The following TMEM266 variants were observed in gnomAD, a reference collection of about 807,000 sequenced individuals.
TMEM266 encodes the protein Hv1 related protein 1.
In TMEM266, 33 loss-of-function variants were observed where a neutral mutation model predicts 50.5. The ratio of observed to expected loss-of-function variants is 0.65; its 90% CI spans 0.50 to 0.87. The LOEUF is 0.87. Among genes scored for constraint, TMEM266 ranks in the 40% least tolerant of loss-of-function variants. The probability of loss-of-function intolerance (pLI) is 0.00; values close to 1 mark genes in which losing one functional copy is unlikely to be tolerated. For synonymous variants in TMEM266, 310 were observed against 292.3 expected (o/e 1.06, Z -0.62); for missense variants, 655 against 695.1 (o/e 0.94, Z 0.65).
At chr15:76,114,902 A>C (rs2037225378) in intron 1 of TMEM266, among the ~76,000 whole-genome samples, 1 of 152,168 alleles carries the variant, frequency 6.6e-6, no homozygotes, top group African/African-American at 2.4e-5. Context: ...ATCACACAAT[A>C]TGTGGCCTTT....
intron 9 of TMEM266, among the ~76,000 whole-genome samples, chr15:76,195,108 C>G (rs1410083386): frequency 6.6e-6 from 1 of 152,194 alleles, no homozygotes; most frequent in Non-Finnish European, 1.5e-5. Context: ...AACCTGCCTA[C>G]CAGACTTCTC....
At position 76,194,930 on chromosome 15, in the gene TMEM266, AG is replaced by A. The variant is rs1289698252; in HGVS notation, c.958+2778del. 2.0e-5 allele frequency among the ~76,000 whole-genome samples: 3 copies of A among 152,116 alleles called. No individual in the cohort carries two copies. The East Asian group carries it at 5.8e-4, about 29-fold the overall frequency. On this transcript the variant is annotated intron_variant, in intron 9 of 10. Transcript: ENST00000388942. ...AGGGGGTACCCATTCAACCCTTAAG[AG>A]GGGGCAGGCACATAAGACCCCTGAC... is the stretch of plus-strand genomic sequence containing the variant.
At chr15:76,195,930 C>A (rs533932189) in intron 9 of TMEM266, among the ~76,000 whole-genome samples, 44 of 152,348 alleles carry the variant, frequency 2.9e-4, no homozygotes, top group African/African-American at 1.1e-3. Flanking sequence ...AGCTTTCAGT[C>A]CTGCCTGGCC....
chr15:76,199,642 A>G (rs551211655), intron 9 of TMEM266, among the ~76,000 whole-genome samples: 54 of 152,276 alleles, frequency 3.5e-4, no homozygotes, highest in Non-Finnish European at 6.6e-4. Flanking sequence ...GTGTGATCAC[A>G]TCGGATCTCG....
intron 9 of TMEM266, among the ~76,000 whole-genome samples, chr15:76,193,612 C>T (rs2038613817): frequency 6.6e-6 from 1 of 152,130 alleles, no homozygotes; most frequent in Non-Finnish European, 1.5e-5. Context: ...TGTGAGAATC[C>T]CCTCTATAAC....
intron 1 of TMEM266, among the ~76,000 whole-genome samples, chr15:76,121,169 C>T (rs2037338405): frequency 6.6e-6 from 1 of 152,052 alleles, no homozygotes; most frequent in South Asian, 2.1e-4. Context: ...ACATAGGGAC[C>T]TCAAGAGAGG....
intron 1 of TMEM266, among the ~76,000 whole-genome samples, chr15:76,065,590 T>A (rs1343225501): frequency 6.6e-6 from 1 of 152,178 alleles, no homozygotes; most frequent in African/African-American, 2.4e-5. Flanking sequence ...GCTCTAGCAC[T>A]TGCTAGAGTA....
intron 1 of TMEM266, among the ~76,000 whole-genome samples, chr15:76,111,432 C>T (rs189734539): frequency 4.0e-5 from 6 of 151,856 alleles, no homozygotes; most frequent in South Asian, 2.1e-4. Flanking sequence ...TACCCTCTCC[C>T]GCTTATCTTT....
chr15:76,115,249 C>T (rs940956814), intron 1 of TMEM266, among the ~76,000 whole-genome samples: 5 of 152,198 alleles, frequency 3.3e-5, no homozygotes, highest in African/African-American at 1.2e-4. Flanking sequence ...ACCTTTCAGA[C>T]GATTGGGAAT....
At chr15:76,102,108 C>A (rs2037010106) in intron 1 of TMEM266, among the ~76,000 whole-genome samples, 1 of 152,174 alleles carries the variant, frequency 6.6e-6, no homozygotes, top group East Asian at 1.9e-4. Flanking sequence ...AACATTATGT[C>A]CCCTAGTGTC....
At chr15:76,061,718 G>C (rs1338770970) in intron 1 of TMEM266, among the ~76,000 whole-genome samples, 1 of 152,188 alleles carries the variant, frequency 6.6e-6, no homozygotes, top group African/African-American at 2.4e-5. Context: ...ACAAGGAGTT[G>C]AGTTTAAAAA....
chr15:76,196,358 T>C (rs2038656525), intron 9 of TMEM266, among the ~76,000 whole-genome samples: 1 of 152,140 alleles, frequency 6.6e-6, no homozygotes, highest in Non-Finnish European at 1.5e-5. Context: ...GCAAAGCCAG[T>C]GCCTCCAAGG....
intron 9 of TMEM266, among the ~76,000 whole-genome samples, chr15:76,196,581 CTG>C (rs1323257603): frequency 6.6e-6 from 1 of 151,272 alleles, no homozygotes; most frequent in Non-Finnish European, 1.5e-5. Flanking sequence ...TGCTAACTAA[CTG>C]TGACCTTCAG....
intron 3 of TMEM266, among the ~76,000 whole-genome samples, chr15:76,155,068 C>T (rs974836297): frequency 2.0e-5 from 3 of 152,358 alleles, no homozygotes; most frequent in African/African-American, 7.2e-5. Context: ...CCTCATTTAA[C>T]TTTAGTGACC....
At chr15:76,132,558 G>A (rs2037526254) in intron 1 of TMEM266, among the ~76,000 whole-genome samples, 1 of 151,534 alleles carries the variant, frequency 6.6e-6, no homozygotes, top group South Asian at 2.1e-4. Flanking sequence ...CACTTTGGGA[G>A]GCCGAGGCGG....
At chr15:76,152,011 A>G (rs2037852746) in intron 3 of TMEM266, among the ~76,000 whole-genome samples, 1 of 151,966 alleles carries the variant, frequency 6.6e-6, no homozygotes, top group African/African-American at 2.4e-5. Flanking sequence ...AGTTCTTAAG[A>G]GCTCTGTTGG....
At chr15:76,143,615 C>T (rs1435885067) in intron 3 of TMEM266, among the ~76,000 whole-genome samples, 3 of 152,318 alleles carry the variant, frequency 2.0e-5, no homozygotes, top group Middle Eastern at 3.4e-3. Flanking sequence ...CTCGGCCTCC[C>T]GGAGTGCTGG....
At chr15:76,198,205 CT>C (rs779395893) in intron 9 of TMEM266, among the ~76,000 whole-genome samples, 1 of 152,128 alleles carries the variant, frequency 6.6e-6, no homozygotes, top group Non-Finnish European at 1.5e-5. Flanking sequence ...AGGGATCTAC[CT>C]AAGGCCACAC....
At chr15:76,118,421 GC>G (rs2037285933) in intron 1 of TMEM266, among the ~76,000 whole-genome samples, 1 of 152,132 alleles carries the variant, frequency 6.6e-6, no homozygotes. Context: ...AATTAGCTGG[GC>G]CTGGTGGGCA....
Sources: allele counts gnomAD v4.1 joint callset (sites outside exome capture counted in the v4.1 genomes callset), GRCh38; gene constraint gnomAD v4.1.1; transcripts MANE v1.5; gene names NCBI Gene and HGNC (gene_info 2026-07-23, HGNC 2026-07-21).